The following ANK3 variants were observed in gnomAD, a reference collection of about 807,000 sequenced individuals.
ANK3 encodes ankyrin 3.
A neutral mutation model predicts 370.9 loss-of-function variants in ANK3; 57 were observed. That is an observed-to-expected ratio of 0.15 (90% CI 0.12 to 0.19). The LOEUF (loss-of-function observed/expected upper bound fraction) is 0.19, where lower values mean the gene tolerates loss of function less well. Among genes scored for constraint, ANK3 ranks in the 10% least tolerant of loss-of-function variants. The probability of loss-of-function intolerance (pLI) is 1.00; values close to 1 mark genes in which losing one functional copy is unlikely to be tolerated. For synonymous variants in ANK3, 1,929 were observed against 1,946.3 expected, an observed-to-expected ratio of 0.99 and a Z score of 0.23; for missense variants, 4,439 against 5,302.1, an observed-to-expected ratio of 0.84 and a Z score of 5.06.
chr10:60,629,948 T>C (rs977575502), intron 1 of ANK3, among the ~76,000 whole-genome samples: 8 of 152,276 alleles, frequency 5.3e-5, no homozygotes, highest in South Asian at 2.1e-4. Flanking sequence ...TTAGATTTTA[T>C]TTTTTATTAT....
chr10:60,692,727 A>T (rs1222214927), intron 1 of ANK3, among the ~76,000 whole-genome samples: 1 of 152,226 alleles, frequency 6.6e-6, no homozygotes, highest in Non-Finnish European at 1.5e-5. Flanking sequence ...CTGATTAGTC[A>T]ATCCTTTTGA....
At chr10:60,064,053 T>G (rs528262576) in intron 39 of ANK3, 104 bp downstream of exon 39, 1 of 1,103,808 alleles carries the variant, frequency 9.1e-7, no homozygotes, top group East Asian at 2.8e-5. Flanking sequence ...ATATTAAAGA[T>G]TACAGAAAAT....
chr10:60,173,696 T>G (rs913978375), intron 18 of ANK3, among the ~76,000 whole-genome samples: 3 of 152,052 alleles, frequency 2.0e-5, no homozygotes, highest in Non-Finnish European at 4.4e-5. Context: ...TGGTGAGAGC[T>G]CAGGTGGTCT....
At position 60,071,750 on chromosome 10, in the gene ANK3, G is replaced by A; in HGVS notation, c.9131C>T (p.Ser3044Phe). Residue 3044 changes from serine to phenylalanine, a missense_variant, in exon 37 of 44, where the codon TCC becomes TTC. Transcript: ENST00000280772. ...TAAAGAATCAGGAGATTTGGTGGGG[G>A]AGGTTTCGGTTTCCTCGAGAGGTGG... ...LCPPLEETET[S>F]PTKSPDSLEF... 1 of 1,598,344 alleles carries A rather than the reference G, an allele frequency of 6.3e-7. No homozygotes were observed. Among genetic ancestry groups the A allele is most frequent in the Non-Finnish European group, 8.5e-7 (1 of 1,174,112 alleles).
chr10:60,226,646 A>G (rs1217543547), intron 8 of ANK3, among the ~76,000 whole-genome samples: 1 of 85,674 alleles, frequency 1.2e-5, no homozygotes, highest in African/African-American at 3.3e-5. Context: ...TAGTATAGAT[A>G]ATATATCATA....
chr10:60,292,008 C>T (rs546970931), intron 1 of ANK3, among the ~76,000 whole-genome samples: 56 of 152,312 alleles, frequency 3.7e-4, no homozygotes, highest in African/African-American at 1.1e-3. Context: ...CCACTGTGCT[C>T]AGCTCAAGAT....
intron 4 of ANK3, among the ~76,000 whole-genome samples, chr10:60,274,545 G>T (rs1338595583): frequency 6.6e-6 from 1 of 152,094 alleles, no homozygotes. Context: ...TTACAGGGTA[G>T]ACACACATGC....
chr10:60,443,776 A>G (rs2064362534), intron 2 of ANK3, among the ~76,000 whole-genome samples: 2 of 152,130 alleles, frequency 1.3e-5, no homozygotes, highest in Non-Finnish European at 2.9e-5. Flanking sequence ...TGCTTAGTTC[A>G]AGCTTCTTCC....
At chr10:60,082,463 ATTAACAAGAC>A in intron 34 of ANK3, 142 bp downstream of exon 34, 1 of 1,070,604 alleles carries the variant, frequency 9.3e-7, no homozygotes, top group Non-Finnish European at 1.3e-6. Context: ...TTGACACCAC[ATTAACAAGAC>A]TTAGGCAATC....
At chr10:60,322,305 C>T (rs377685142) in intron 1 of ANK3, among the ~76,000 whole-genome samples, 77 of 152,138 alleles carry the variant, frequency 5.1e-4, no homozygotes, top group African/African-American at 1.8e-3. Flanking sequence ...ACTAAAATTA[C>T]CAGAAAAGCT....
intron 2 of ANK3, among the ~76,000 whole-genome samples, chr10:60,475,166 A>G (rs2075029348): frequency 1.3e-5 from 2 of 152,162 alleles, no homozygotes; most frequent in South Asian, 4.1e-4. Flanking sequence ...ATGCCACTAT[A>G]TAGTAATGCT....
At chr10:60,170,137 T>TA (rs35617921) in intron 21 of ANK3, among the ~76,000 whole-genome samples, 87,415 of 152,032 alleles carry the variant, frequency 0.57, 25,434 homozygotes, top group South Asian at 0.63. Context: ...TTTTGATAGA[T>TA]ACAATTCACA....
At chr10:60,703,100 T>C (rs773554994) in intron 1 of ANK3, among the ~76,000 whole-genome samples, 13 of 152,108 alleles carry the variant, frequency 8.5e-5, no homozygotes, top group Non-Finnish European at 1.9e-4. Context: ...CTAATCAAAA[T>C]GTATGGACCT....
intron 2 of ANK3, among the ~76,000 whole-genome samples, chr10:60,533,605 C>A (rs1320967929): frequency 6.6e-6 from 1 of 152,054 alleles, no homozygotes; most frequent in African/African-American, 2.4e-5. Flanking sequence ...ACAAAGTGCA[C>A]AATAAAACTG....
At chr10:60,190,325 C>A (rs185370542) in intron 16 of ANK3, among the ~76,000 whole-genome samples, 1 of 152,284 alleles carries the variant, frequency 6.6e-6, no homozygotes, top group East Asian at 1.9e-4. Flanking sequence ...TACCTTATCT[C>A]TCACCACTGC....
chr10:60,680,001 G>A (rs1287486201), intron 1 of ANK3, among the ~76,000 whole-genome samples: 1 of 151,738 alleles, frequency 6.6e-6, no homozygotes, highest in East Asian at 1.9e-4. Context: ...CAGGCGTGGT[G>A]GTGGGCACCT....
intron 43 of ANK3, among the ~76,000 whole-genome samples, chr10:60,031,046 G>A (rs949382262): frequency 1.6e-4 from 25 of 152,246 alleles, no homozygotes; most frequent in Middle Eastern, 3.4e-3. Flanking sequence ...TGAGCAGAAA[G>A]GGCCAGAGAT....
At chr10:60,350,986 G>A (rs1369685829) in intron 1 of ANK3, among the ~76,000 whole-genome samples, 1 of 151,886 alleles carries the variant, frequency 6.6e-6, no homozygotes. Context: ...CTCCTAAGCC[G>A]ACTTTTATAA....
chr10:60,201,984 G>A (rs1423240498), intron 12 of ANK3, among the ~76,000 whole-genome samples: 3 of 151,894 alleles, frequency 2.0e-5, no homozygotes, highest in African/African-American at 7.3e-5. Flanking sequence ...CAAAGTGCTG[G>A]GATTACAGGC....
Sources: allele counts gnomAD v4.1 joint callset (sites outside exome capture counted in the v4.1 genomes callset), GRCh38; gene constraint gnomAD v4.1.1; transcripts MANE v1.5; gene names NCBI Gene and HGNC (gene_info 2026-07-23, HGNC 2026-07-21).